Variants in PHLDB3 observed in about 807,000 individuals in gnomAD.
PHLDB3 encodes pleckstrin homology-like domain family B member 3.
In PHLDB3, 86 loss-of-function variants were observed where a neutral mutation model predicts 85.7. That is an observed-to-expected ratio of 1.00 (90% CI 0.84 to 1.20). PHLDB3 has a LOEUF of 1.20. PHLDB3 is among the 50% of genes most tolerant of loss of function. PHLDB3 has a pLI of 0.00. For synonymous variants in PHLDB3, 376 were observed against 349.8 expected, an observed-to-expected ratio of 1.07 and a Z score of -0.83; for missense variants, 995 against 873.0, an observed-to-expected ratio of 1.14 and a Z score of -1.76.
intron 9 of PHLDB3, among the ~76,000 whole-genome samples, chr19:43,488,062 G>A (rs945006854): frequency 2.6e-5 from 4 of 151,920 alleles, no homozygotes; most frequent in African/African-American, 7.3e-5. Context: ...GCTGAGGCAG[G>A]AGAATTGCTT....
chr19:43,500,984 G>A (rs1037204081), intron 4 of PHLDB3, among the ~76,000 whole-genome samples: 1 of 140,892 alleles, frequency 7.1e-6, no homozygotes, highest in African/African-American at 2.7e-5. Context: ...TTTCTTATCT[G>A]TCAATGATAC....
chr19:43,492,051 G>T (rs1971331534), intron 9 of PHLDB3, among the ~76,000 whole-genome samples: 1 of 151,324 alleles, frequency 6.6e-6, no homozygotes, highest in Non-Finnish European at 1.5e-5. Flanking sequence ...CGCCTTCCGG[G>T]TTCAAGCGAT....
chr19:43,488,076 C>G (rs35107209), intron 9 of PHLDB3, among the ~76,000 whole-genome samples: 31,154 of 151,628 alleles, frequency 0.21, 3,298 homozygotes, highest in Non-Finnish European at 0.23. Context: ...ATTGCTTGAA[C>G]CTGGGAGGCA....
At chr19:43,493,465 C>T (rs1341520352) in intron 9 of PHLDB3, among the ~76,000 whole-genome samples, 1 of 151,962 alleles carries the variant, frequency 6.6e-6, no homozygotes, top group African/African-American at 2.4e-5. Context: ...AAGACCCCAA[C>T]TCTACAAAAA....
At chr19:43,495,952 GA>G in intron 6 of PHLDB3, 1 of 220,832 alleles carries the variant, frequency 4.5e-6, no homozygotes, top group Non-Finnish European at 8.8e-6. Flanking sequence ...CGAGACGAAG[GA>G]AAAGCCAGCG....
At position 43,501,719 on chromosome 19, in the gene PHLDB3, G is replaced by A. The variant is rs759716458; in HGVS notation, c.534+15C>T. On this transcript the variant is annotated intron_variant, in intron 4 of 15. Transcript: ENST00000292140. ...GAAGGACACTGCTGATGAAGACCCGGTGAGCCAAACAGACCTGTTCCCGCT... is the reference window on the plus strand; with the variant it reads ...GAAGGACACTGCTGATGAAGACCCGATGAGCCAAACAGACCTGTTCCCGCT... 2.5e-6 allele frequency: 4 copies of A among 1,576,648 alleles called. No individual in the cohort carries two copies. Among genetic ancestry groups the A allele is most frequent in the African/African-American group, 2.7e-5 (2 of 72,894 alleles).
chr19:43,493,280 GAATAAATAAATAAATA>G (rs57954351), intron 9 of PHLDB3, among the ~76,000 whole-genome samples: 9 of 133,748 alleles, frequency 6.7e-5, no homozygotes, highest in Admixed American at 1.5e-4. Flanking sequence ...CTCTGTCTCA[GAATAAATAAATAAATA>G]AATAAATAAA....
intron 4 of PHLDB3, among the ~76,000 whole-genome samples, chr19:43,501,221 C>T (rs182547567): frequency 3.7e-4 from 52 of 138,930 alleles, no homozygotes; most frequent in Non-Finnish European, 5.8e-4. Context: ...CTTCTTGTCA[C>T]GCAGGCTGCT....
At chr19:43,500,812 T>C (rs1971568358) in intron 4 of PHLDB3, among the ~76,000 whole-genome samples, 1 of 152,042 alleles carries the variant, frequency 6.6e-6, no homozygotes, top group African/African-American at 2.4e-5. Flanking sequence ...TTTTTGTATT[T>C]TTATTTTTCA....
rs1259576936 is a variant in PHLDB3, at chr19:43,475,352, C to T, written c.*58G>A. Reference sequence around the variant, plus strand: ...GCAGTGGGCGGGGCCTAGGAACGCCCCCGCGCCCCGCGCCGGCGGAGCCTC... The same window carrying T: ...GCAGTGGGCGGGGCCTAGGAACGCCTCCGCGCCCCGCGCCGGCGGAGCCTC... On this transcript the variant is annotated 3_prime_UTR_variant, in exon 16 of 16. Transcript: ENST00000292140. 1 of 1,594,674 alleles carries T rather than the reference C, an allele frequency of 6.3e-7. No individual in the cohort carries two copies. The highest frequency in any genetic ancestry group is 8.6e-7 in the Non-Finnish European group (1 of 1,169,028).
At chr19:43,497,541 G>A (rs1480959595) in intron 5 of PHLDB3, among the ~76,000 whole-genome samples, 1 of 152,016 alleles carries the variant, frequency 6.6e-6, no homozygotes, top group Admixed American at 6.6e-5. Flanking sequence ...GTGAAACCCC[G>A]TCTCTACTAA....
intron 13 of PHLDB3, among the ~76,000 whole-genome samples, chr19:43,482,019 T>C (rs1971058916): frequency 6.6e-6 from 1 of 152,120 alleles, no homozygotes; most frequent in Admixed American, 6.6e-5. Flanking sequence ...ATCACCACTG[T>C]GTGTGGAAGC....
At position 43,501,789 on chromosome 19, in the gene PHLDB3, T is replaced by C. The variant is rs770240533; in HGVS notation, c.479A>G (p.Glu160Gly). The change falls in exon 4 of 16, where the codon GAG becomes GGG. Residue 160 changes from glutamate (E) to glycine (G), a missense_variant. Coordinates refer to ENST00000292140, the MANE Select transcript of PHLDB3 (RefSeq NM_198850.4). Reference protein sequence around the residue: ...AARREEEQLRELLEQQAASEQ... With the variant: ...AARREEEQLRGLLEQQAASEQ... ...CGAGGCCGCCTGCTGCTCCAGCAGCTCCCGCAGCTGCTCCTCCTCCCGGCG... is the reference window on the plus strand; with the variant it reads ...CGAGGCCGCCTGCTGCTCCAGCAGCCCCCGCAGCTGCTCCTCCTCCCGGCG... 6.3e-7 allele frequency: 1 copy of C among 1,586,634 alleles called. No individual in the cohort carries two copies. Among genetic ancestry groups the C allele is most frequent in the Admixed American group, 1.8e-5 (1 of 56,512 alleles).
chr19:43,504,427 G>T, intron 1 of PHLDB3, 162 bp downstream of exon 1: 1 of 492,986 alleles, frequency 2.0e-6, no homozygotes, highest in Non-Finnish European at 3.6e-6. Flanking sequence ...GTCAGGCCTT[G>T]TACCCTCCCA....
intron 13 of PHLDB3, among the ~76,000 whole-genome samples, chr19:43,484,118 G>A (rs988974870): frequency 5.9e-5 from 9 of 152,040 alleles, no homozygotes; most frequent in Non-Finnish European, 1.3e-4. Flanking sequence ...AGGCATGGTG[G>A]TGGGCGCCTG....
At chr19:43,494,253 G>T (rs1376289492) in intron 9 of PHLDB3, among the ~76,000 whole-genome samples, 2 of 151,990 alleles carry the variant, frequency 1.3e-5, no homozygotes, top group Non-Finnish European at 2.9e-5. Context: ...CAGGTCATCC[G>T]CTTGCCTTGG....
Position 43,486,826 on chromosome 19 carries a change from CG to C in PHLDB3, c.1293del (p.Gly432AlafsTer9), listed in dbSNP as rs773622668. On this transcript the variant is annotated frameshift_variant, in exon 11 of 16. Coordinates refer to ENST00000292140, the MANE Select transcript of PHLDB3 (RefSeq NM_198850.4). LOFTEE classifies it high-confidence loss of function. Reference protein sequence around the residue: ...ASALPPAVGDSGRYPLYQLLN... With the variant: ...ASALPPAVGDXGRYPLYQLLN... ...AGCAGCTGGTAGAGGGGGTATCTGCCGGAGTCCCCCACTGCTGGCGGGAGAG... is the reference window on the plus strand; with the variant it reads ...AGCAGCTGGTAGAGGGGGTATCTGCCGAGTCCCCCACTGCTGGCGGGAGAG... 88 of 1,585,460 alleles carry C rather than the reference CG, an allele frequency of 5.6e-5. No individual in the cohort carries two copies. In the Middle Eastern group the frequency reaches 3.2e-3, roughly 58 times the overall value.
chr19:43,501,675 A>C (rs1383136033), intron 4 of PHLDB3, 59 bp downstream of exon 4: 65 of 1,554,372 alleles, frequency 4.2e-5, no homozygotes, highest in Non-Finnish European at 5.3e-5. Flanking sequence ...CTAGGAGCAC[A>C]CCAACATCCA....
Position 43,497,270 on chromosome 19 carries a change from G to C in PHLDB3, c.673C>G (p.Gln225Glu). ...LLQGVQEMRE[Q>E]LDVAQRAYED... Reference sequence around the variant, plus strand: ...TAGGCACGTTGGGCCACATCCAGTTGTTCCCTCATCTATAGGTCGGAACAC... The same window carrying C: ...TAGGCACGTTGGGCCACATCCAGTTCTTCCCTCATCTATAGGTCGGAACAC... The change falls in exon 6 of 16, where the codon CAA (glutamine) becomes GAA (glutamate). Residue 225 changes from glutamine to glutamate, a missense_variant. Gln to Glu is a conservative substitution (Grantham distance 29). Transcript: ENST00000292140. 1 of 1,461,668 alleles carries C rather than the reference G, an allele frequency of 6.8e-7. No individual in the cohort carries two copies. The highest frequency in any genetic ancestry group is 9.0e-7 in the Non-Finnish European group (1 of 1,106,310). The allele number at this position is 1,461,668 out of a possible 1,614,324, so 90.5% of individuals were successfully genotyped here. A position where few individuals can be genotyped will look rare whatever the true frequency, so the allele number is the denominator to read the frequency against.
Sources: allele counts gnomAD v4.1 joint callset (sites outside exome capture counted in the v4.1 genomes callset), GRCh38; gene constraint gnomAD v4.1.1; transcripts MANE v1.5; gene names NCBI Gene and HGNC (gene_info 2026-07-23, HGNC 2026-07-21).